The following XKR9 variants were observed in gnomAD, a reference collection of about 807,000 sequenced individuals.
XKR9 encodes XK-related protein 9.
In XKR9, 32 loss-of-function variants were observed where a neutral mutation model predicts 32.0. The ratio of observed to expected loss-of-function variants is 1.00; its 90% CI spans 0.76 to 1.34. The LOEUF (loss-of-function observed/expected upper bound fraction) is 1.34, where lower values mean the gene tolerates loss of function less well. Among genes scored for constraint, XKR9 ranks in the 40% most tolerant of loss-of-function variants. The pLI, the probability that XKR9 is intolerant of heterozygous loss-of-function variation, is 0.00. For synonymous variants in XKR9, 168 were observed against 143.4 expected, an observed-to-expected ratio of 1.17 and a Z score of -1.22; for missense variants, 546 against 429.7, an observed-to-expected ratio of 1.27 and a Z score of -2.39.
the XKR9 span, among the ~76,000 whole-genome samples, chr8:70,915,736 A>C: frequency 6.6e-6 from 1 of 152,254 alleles, no homozygotes; most frequent in South Asian, 2.1e-4. Flanking sequence ...AAAATATTAC[A>C]CTCCAAAATA....
At chr8:70,676,689 C>G (rs1425289312) in intron 2 of XKR9, among the ~76,000 whole-genome samples, 1 of 152,100 alleles carries the variant, frequency 6.6e-6, no homozygotes, top group East Asian at 1.9e-4. Context: ...GGAAATTATT[C>G]TTTCCATCTT....
chr8:70,716,225 G>C (rs1203626100), intron 4 of XKR9, among the ~76,000 whole-genome samples: 3 of 152,032 alleles, frequency 2.0e-5, no homozygotes, highest in Non-Finnish European at 4.4e-5. Context: ...AGGAAACAAG[G>C]CAGTTGTCAA....
At chr8:70,759,878 A>G (rs906383245) in intron 2 of XKR9, among the ~76,000 whole-genome samples, 3 of 152,232 alleles carry the variant, frequency 2.0e-5, no homozygotes, top group African/African-American at 7.2e-5. Flanking sequence ...AGAATTGCCT[A>G]TCATCAAAAA....
intron 2 of XKR9, among the ~76,000 whole-genome samples, chr8:70,784,594 T>A (rs1436161246): frequency 6.6e-6 from 1 of 151,888 alleles, no homozygotes; most frequent in Non-Finnish European, 1.5e-5. Flanking sequence ...TTTTTTTTTA[T>A]TGGTAGAGTA....
chr8:70,934,230 A>G, the XKR9 span, among the ~76,000 whole-genome samples: 3 of 152,074 alleles, frequency 2.0e-5, no homozygotes, highest in African/African-American at 4.8e-5. Context: ...GAATGCCAGG[A>G]AATTCCAGGC....
intron 3 of XKR9, among the ~76,000 whole-genome samples, chr8:70,687,276 T>C (rs1819315077): frequency 6.6e-6 from 1 of 152,116 alleles, no homozygotes; most frequent in Non-Finnish European, 1.5e-5. Context: ...TCCACGTAGT[T>C]GCAAATGAAA....
intron 4 of XKR9, among the ~76,000 whole-genome samples, chr8:70,722,145 A>C (rs1160170306): frequency 2.0e-5 from 3 of 148,048 alleles, no homozygotes; most frequent in Non-Finnish European, 4.5e-5. Flanking sequence ...TTTGCTTTCC[A>C]TTTGCTTGGT....
the XKR9 span, among the ~76,000 whole-genome samples, chr8:71,031,982 A>G: frequency 6.6e-6 from 1 of 152,098 alleles, no homozygotes; most frequent in Non-Finnish European, 1.5e-5. Flanking sequence ...CCCATCCCAC[A>G]TGTATCCTGC....
chr8:70,795,840 G>C, the XKR9 span, among the ~76,000 whole-genome samples: 1 of 151,006 alleles, frequency 6.6e-6, no homozygotes, highest in Non-Finnish European at 1.5e-5. Flanking sequence ...TGTTTGTTTT[G>C]TTTCTTGCAA....
chr8:70,690,431 G>C (rs528085333), intron 3 of XKR9, among the ~76,000 whole-genome samples: 17 of 151,888 alleles, frequency 1.1e-4, no homozygotes, highest in African/African-American at 3.9e-4. Flanking sequence ...CCAGGTTCGA[G>C]CAATTCTTTC....
downstream of XKR9, among the ~76,000 whole-genome samples, chr8:70,792,670 A>AG (rs1197753854): frequency 2.0e-5 from 3 of 152,246 alleles, no homozygotes; most frequent in African/African-American, 7.2e-5. Flanking sequence ...GTGTGGGGGC[A>AG]GTGAAGAAAT....
chr8:70,798,595 C>A, the XKR9 span, among the ~76,000 whole-genome samples: 1 of 152,142 alleles, frequency 6.6e-6, no homozygotes, highest in Non-Finnish European at 1.5e-5. Context: ...GTTGCAATCG[C>A]TTTTGAGGTT....
At chr8:70,918,918 C>T in the XKR9 span, among the ~76,000 whole-genome samples, 1 of 151,412 alleles carries the variant, frequency 6.6e-6, no homozygotes, top group Admixed American at 6.6e-5. Context: ...GCTGTGACTA[C>T]AGGCGCCCGC....
At chr8:71,026,079 A>G in the XKR9 span, among the ~76,000 whole-genome samples, 1 of 152,142 alleles carries the variant, frequency 6.6e-6, no homozygotes, top group African/African-American at 2.4e-5. Context: ...TTTATGGGAG[A>G]TGCCAAAATT....
intron 3 of XKR9, among the ~76,000 whole-genome samples, chr8:70,682,918 T>C (rs371007083): frequency 1.3e-5 from 2 of 152,244 alleles, no homozygotes; most frequent in African/African-American, 4.8e-5. Context: ...AGTGAGTTCA[T>C]ACAAAGCTGC....
At chr8:70,769,631 C>A (rs1002303135) in intron 2 of XKR9, among the ~76,000 whole-genome samples, 1 of 151,686 alleles carries the variant, frequency 6.6e-6, no homozygotes, top group Non-Finnish European at 1.5e-5. Flanking sequence ...AGGCTTCATT[C>A]GTTCCTTTTC....
At chr8:70,870,461 G>T in the XKR9 span, among the ~76,000 whole-genome samples, 1 of 152,172 alleles carries the variant, frequency 6.6e-6, no homozygotes, top group Admixed American at 6.5e-5. Context: ...TTCTCTAAAA[G>T]CCTATTCTAT....
chr8:70,779,702 A>T (rs528341355), intron 2 of XKR9, among the ~76,000 whole-genome samples: 1 of 152,208 alleles, frequency 6.6e-6, no homozygotes, highest in South Asian at 2.1e-4. Context: ...TGTGTCCAGG[A>T]ATTTATCCAT....
At chr8:70,738,477 T>C (rs550857247), downstream of XKR9, among the ~76,000 whole-genome samples, 1,003 of 139,270 alleles carry the variant, frequency 7.2e-3, 2 homozygotes, top group Middle Eastern at 0.014. Flanking sequence ...CCTTCAGTTC[T>C]GGTCTGATTT....
Sources: allele counts gnomAD v4.1 joint callset (sites outside exome capture counted in the v4.1 genomes callset), GRCh38; gene constraint gnomAD v4.1.1; transcripts MANE v1.5; gene names NCBI Gene and HGNC (gene_info 2026-07-23, HGNC 2026-07-21).